Variants in FABP6 observed in about 807,000 individuals in gnomAD.
FABP6 encodes the protein fatty acid binding protein 6, also known as gastrotropin.
A neutral mutation model predicts 14.9 loss-of-function variants in FABP6; 13 were observed. That is an observed-to-expected ratio of 0.87 (90% CI 0.57 to 1.39). The LOEUF (loss-of-function observed/expected upper bound fraction) is 1.39. FABP6 is among the 40% of genes most tolerant of loss of function. The probability of loss-of-function intolerance (pLI) is 0.00; values close to 1 mark genes in which losing one functional copy is unlikely to be tolerated. For synonymous variants in FABP6, 75 were observed against 63.6 expected (o/e 1.18, Z -0.85); for missense variants, 161 against 167.2 (o/e 0.96, Z 0.20).
upstream of FABP6, among the ~76,000 whole-genome samples, chr5:160,227,762 C>T (rs930818202): frequency 6.6e-6 from 1 of 151,752 alleles, no homozygotes; most frequent in African/African-American, 2.4e-5. Flanking sequence ...TGACAGGACT[C>T]TCACTTGCTC....
At chr5:160,212,257 C>G (rs28451664) in intron 2 of FABP6, among the ~76,000 whole-genome samples, 1 of 151,764 alleles carries the variant, frequency 6.6e-6, no homozygotes, top group Non-Finnish European at 1.5e-5. Context: ...TGGGTTCAAG[C>G]GATTCTCCTG....
intron 1 of FABP6, chr5:160,197,073 C>A: frequency 6.6e-6 from 1 of 152,402 alleles, no homozygotes. Flanking sequence ...TCAACAGGCC[C>A]CACGAAGAAG....
chr5:160,208,912 G>A (rs1314704339), intron 2 of FABP6, among the ~76,000 whole-genome samples: 1 of 151,776 alleles, frequency 6.6e-6, no homozygotes, highest in African/African-American at 2.4e-5. Flanking sequence ...AAGTTGGTGG[G>A]ATTTCAGGTG....
chr5:160,193,127 A>C (rs558900952), intron 1 of FABP6, among the ~76,000 whole-genome samples: 2 of 152,190 alleles, frequency 1.3e-5, no homozygotes, highest in South Asian at 4.2e-4. Flanking sequence ...TACAGCTCTT[A>C]AGGTGGCACG....
chr5:160,236,896 C>T (rs184623364), intron 3 of FABP6, among the ~76,000 whole-genome samples: 19 of 151,698 alleles, frequency 1.3e-4, no homozygotes, highest in South Asian at 1.0e-3. Context: ...GCAGGAGAAT[C>T]GCTTCAATCC....
chr5:160,200,249 A>G (rs983948929), intron 2 of FABP6, among the ~76,000 whole-genome samples: 24 of 152,202 alleles, frequency 1.6e-4, no homozygotes, highest in African/African-American at 5.8e-4. Context: ...CATTATTCTT[A>G]AGAAAGTGGC....
chr5:160,213,862 C>A (rs1759950193), intron 3 of FABP6: 1 of 1,533,938 alleles, frequency 6.5e-7, no homozygotes, highest in South Asian at 1.1e-5. Context: ...TGACGTTTTT[C>A]AGATTCTGGT....
chr5:160,229,069 G>A (rs1015906788), upstream of FABP6, among the ~76,000 whole-genome samples: 1 of 152,200 alleles, frequency 6.6e-6, no homozygotes, highest in Non-Finnish European at 1.5e-5. Context: ...AGAACTCTCT[G>A]CAGGTGTGTG....
intron 2 of FABP6, among the ~76,000 whole-genome samples, chr5:160,206,295 A>T (rs1759763280): frequency 6.6e-6 from 1 of 152,092 alleles, no homozygotes; most frequent in African/African-American, 2.4e-5. Flanking sequence ...GCGGGGCATG[A>T]TGCGTGCCTG....
chr5:160,199,127 G>A, exon 2 of FABP6: 1 of 1,614,190 alleles, frequency 6.2e-7, no homozygotes, highest in Non-Finnish European at 8.5e-7. Context: ...TGACGATGAT[G>A]ATGGTGGTGG....
intron 1 of FABP6, among the ~76,000 whole-genome samples, chr5:160,194,525 A>G (rs965611607): frequency 9.9e-5 from 15 of 152,178 alleles, no homozygotes; most frequent in Non-Finnish European, 5.9e-5. Flanking sequence ...TGGGCAATGG[A>G]GCAAGACCCG....
At chr5:160,191,831 G>A (rs1316948112) in intron 1 of FABP6, among the ~76,000 whole-genome samples, 1 of 151,174 alleles carries the variant, frequency 6.6e-6, no homozygotes, top group Non-Finnish European at 1.5e-5. Context: ...AAATTAGCCA[G>A]GCATGGTGGC....
At chr5:160,219,412 A>AT (rs1760085620) in intron 3 of FABP6, among the ~76,000 whole-genome samples, 3 of 152,204 alleles carry the variant, frequency 2.0e-5, no homozygotes, top group African/African-American at 7.2e-5. Flanking sequence ...CTATTGCCTC[A>AT]TAAAACTTCA....
At chr5:160,198,405 C>G (rs1256892808) in intron 1 of FABP6, 1 of 152,494 alleles carries the variant, frequency 6.6e-6, no homozygotes, top group African/African-American at 2.4e-5. Context: ...CAGCCGCCAC[C>G]TCTTTGTTTC....
intron 3 of FABP6, among the ~76,000 whole-genome samples, chr5:160,215,925 G>A (rs920475721): frequency 2.6e-5 from 4 of 152,158 alleles, no homozygotes; most frequent in African/African-American, 7.2e-5. Context: ...CCCCAGTTGC[G>A]CCACTTCTTC....
At chr5:160,190,400 G>A (rs1048239701) in intron 1 of FABP6, among the ~76,000 whole-genome samples, 1 of 151,966 alleles carries the variant, frequency 6.6e-6, no homozygotes, top group Non-Finnish European at 1.5e-5. Flanking sequence ...GTCCAGCTAA[G>A]TTTGTATTTT....
intron 3 of FABP6, among the ~76,000 whole-genome samples, chr5:160,215,640 A>G (rs1001906526): frequency 6.7e-6 from 1 of 150,342 alleles, no homozygotes; most frequent in South Asian, 2.1e-4. Flanking sequence ...ATGAGCCATG[A>G]TTTTGCCACT....
chr5:160,208,803 G>C (rs1292148921), intron 2 of FABP6, among the ~76,000 whole-genome samples: 3 of 146,462 alleles, frequency 2.0e-5, no homozygotes, highest in African/African-American at 7.6e-5. Context: ...TTTGTAGGGA[G>C]TCTCACTCTG....
chr5:160,226,637 A>G (rs970343490), upstream of FABP6, among the ~76,000 whole-genome samples: 1 of 152,150 alleles, frequency 6.6e-6, no homozygotes, highest in African/African-American at 2.4e-5. Context: ...GTTTGCTCCT[A>G]GGTGAAATGG....
Sources: allele counts gnomAD v4.1 joint callset (sites outside exome capture counted in the v4.1 genomes callset), GRCh38; gene constraint gnomAD v4.1.1; transcripts MANE v1.5; gene names NCBI Gene and HGNC (gene_info 2026-07-23, HGNC 2026-07-21).